Variants in GALNTL6 observed in about 807,000 individuals in gnomAD.
GALNTL6 encodes polypeptide N-acetylgalactosaminyltransferase-like 6.
A neutral mutation model predicts 73.7 loss-of-function variants in GALNTL6; 46 were observed. That is an observed-to-expected ratio of 0.62 (90% confidence interval 0.49 to 0.80). The LOEUF is 0.80. Among genes scored for constraint, GALNTL6 ranks in the 30% least tolerant of loss-of-function variants. The pLI is 0.00. For missense variants in GALNTL6, 604 were observed against 755.0 expected, an observed-to-expected ratio of 0.80 and a Z score of 2.34; for synonymous variants, 259 against 263.7, an observed-to-expected ratio of 0.98 and a Z score of 0.17.
At chr4:172,991,100 C>T (rs1478127879) in intron 10 of GALNTL6, among the ~76,000 whole-genome samples, 5 of 152,068 alleles carry the variant, frequency 3.3e-5, no homozygotes, top group Middle Eastern at 3.4e-3. Context: ...AATAGAATTC[C>T]ATGTCACTAT....
intron 4 of GALNTL6, among the ~76,000 whole-genome samples, chr4:172,317,334 T>G (rs1246301482): frequency 6.6e-6 from 1 of 152,222 alleles, no homozygotes; most frequent in African/African-American, 2.4e-5. Flanking sequence ...TGTGCCCATT[T>G]CCGTAAGCGG....
chr4:172,161,158 AT>A (rs1299380967), intron 2 of GALNTL6, among the ~76,000 whole-genome samples: 3 of 151,870 alleles, frequency 2.0e-5, no homozygotes, highest in Non-Finnish European at 2.9e-5. Context: ...TTAGTTTGAA[AT>A]TTTTCAAATT....
chr4:171,855,444 G>C (rs1315556382), intron 2 of GALNTL6, among the ~76,000 whole-genome samples: 1 of 152,156 alleles, frequency 6.6e-6, no homozygotes, highest in Non-Finnish European at 1.5e-5. Context: ...GTCTTTTGTG[G>C]CTTGATAACT....
chr4:172,813,715 C>A lies in GALNTL6; in HGVS notation c.915C>A (p.Asp305Glu), dbSNP rs1741442041. The A allele has an allele frequency of 6.3e-7, 1 of 1,591,382 alleles. No individual in the cohort carries two copies. Among genetic ancestry groups the A allele is most frequent in the Non-Finnish European group, 8.6e-7 (1 of 1,162,468 alleles). The change falls in exon 7 of 13, where the codon GAC (aspartate) becomes GAA (glutamate). Residue 305 changes from aspartate to glutamate, a missense_variant. Around this residue, in one of 5 missense-constraint regions of GALNTL6, gnomAD observed 179 missense variants for 230.8 expected, o/e 0.78. Coordinates refer to ENST00000506823, the MANE Select transcript of GALNTL6 (RefSeq NM_001034845.3). Reference sequence around the variant, plus strand: ...AGCTCCAGAGGGCAGATCCCAGCGACCCTTTTGAGTGAGTAGCAGCCAAGG... The same window carrying A: ...AGCTCCAGAGGGCAGATCCCAGCGAACCTTTTGAGTGAGTAGCAGCCAAGG... ...PPELQRADPS[D>E]PFESPVMAGG...
chr4:172,575,384 A>G (rs1349531239), intron 5 of GALNTL6, among the ~76,000 whole-genome samples: 1 of 152,210 alleles, frequency 6.6e-6, no homozygotes, highest in Non-Finnish European at 1.5e-5. Flanking sequence ...ATAAGTGCAC[A>G]CATTTCATGT....
intron 5 of GALNTL6, among the ~76,000 whole-genome samples, chr4:172,414,055 T>C (rs962592940): frequency 6.6e-6 from 1 of 152,074 alleles, no homozygotes; most frequent in African/African-American, 2.4e-5. Flanking sequence ...CATGTTAAGG[T>C]GTTTATTATT....
chr4:172,748,399 C>T (rs1312018063), intron 5 of GALNTL6, among the ~76,000 whole-genome samples: 2 of 152,148 alleles, frequency 1.3e-5, no homozygotes, highest in Non-Finnish European at 2.9e-5. Flanking sequence ...TTGAAGAAAA[C>T]CCACACAGAC....
At chr4:172,374,754 AG>A (rs1742962947) in intron 5 of GALNTL6, among the ~76,000 whole-genome samples, 1 of 152,204 alleles carries the variant, frequency 6.6e-6, no homozygotes, top group Non-Finnish European at 1.5e-5. Context: ...CTAAGATACC[AG>A]GTATCTCCAA....
intron 5 of GALNTL6, among the ~76,000 whole-genome samples, chr4:172,630,647 A>C (rs931220277): frequency 5.9e-5 from 9 of 151,928 alleles, no homozygotes; most frequent in African/African-American, 1.9e-4. Context: ...TTAAGCTTTC[A>C]TACAGCTTCA....
intron 10 of GALNTL6, among the ~76,000 whole-genome samples, chr4:172,962,580 T>C (rs1210693141): frequency 1.3e-5 from 2 of 152,048 alleles, no homozygotes; most frequent in Non-Finnish European, 2.9e-5. Flanking sequence ...GCAGACTCGG[T>C]GGTTCTTTTT....
chr4:172,446,931 A>G (rs1732044757), intron 5 of GALNTL6, among the ~76,000 whole-genome samples: 1 of 152,030 alleles, frequency 6.6e-6, no homozygotes, highest in Non-Finnish European at 1.5e-5. Context: ...ACATGCTATT[A>G]TTTTTCTCAA....
chr4:172,066,263 C>T (rs1731360478), intron 2 of GALNTL6, among the ~76,000 whole-genome samples: 1 of 152,152 alleles, frequency 6.6e-6, no homozygotes. Context: ...TCGCTCCCTA[C>T]TCCCAACTCC....
At chr4:172,005,718 C>A (rs955049596) in intron 2 of GALNTL6, among the ~76,000 whole-genome samples, 1 of 152,098 alleles carries the variant, frequency 6.6e-6, no homozygotes. Flanking sequence ...AAAATCAATA[C>A]AATTTTTACT....
chr4:172,997,023 G>A (rs955591459), intron 10 of GALNTL6, among the ~76,000 whole-genome samples: 10 of 152,034 alleles, frequency 6.6e-5, no homozygotes, highest in Non-Finnish European at 1.3e-4. Flanking sequence ...AGACTTCATT[G>A]TCATGTCTCC....
intron 2 of GALNTL6, among the ~76,000 whole-genome samples, chr4:172,000,021 G>A (rs1740624071): frequency 6.6e-6 from 1 of 152,148 alleles, no homozygotes; most frequent in African/African-American, 2.4e-5. Flanking sequence ...TTCAAATCAT[G>A]ATGGTCCTGC....
intron 2 of GALNTL6, among the ~76,000 whole-genome samples, chr4:172,160,363 G>A (rs1232939181): frequency 6.6e-6 from 1 of 151,742 alleles, no homozygotes; most frequent in African/African-American, 2.4e-5. Flanking sequence ...AAAAAAAATA[G>A]CAGAGAGCGA....
At chr4:172,528,340 ATATATAT>A (rs1735038500) in intron 5 of GALNTL6, among the ~76,000 whole-genome samples, 5 of 44,974 alleles carry the variant, frequency 1.1e-4, no homozygotes, top group Non-Finnish European at 3.5e-4. Context: ...ATATATATAT[ATATATAT>A]ATATATATAT....
chr4:172,859,430 C>T (rs1324172666), intron 7 of GALNTL6, among the ~76,000 whole-genome samples: 1 of 151,864 alleles, frequency 6.6e-6, no homozygotes, highest in African/African-American at 2.4e-5. Flanking sequence ...ATAAGAAGCC[C>T]ATAGAGATCT....
At chr4:172,532,076 G>A (rs992390357) in intron 5 of GALNTL6, among the ~76,000 whole-genome samples, 1 of 152,164 alleles carries the variant, frequency 6.6e-6, no homozygotes, top group African/African-American at 2.4e-5. Flanking sequence ...AGCCAGCCAT[G>A]ACCAGAAGGG....
Sources: gnomAD v4.1 joint callset for allele counts (sites outside exome capture counted in the v4.1 genomes callset) on GRCh38, gnomAD v4.1.1 for gene constraint, gnomAD v4.1.1 regional missense constraint, MANE v1.5 for transcripts, NCBI Gene and HGNC (gene_info 2026-07-23, HGNC 2026-07-21) for gene names.